The following ACOT4 variants were observed in gnomAD, a reference collection of about 807,000 sequenced individuals.
The protein encoded by ACOT4 is acyl-CoA thioesterase 4, also known as peroxisomal succinyl-coenzyme A thioesterase.
A neutral mutation model predicts 17.1 loss-of-function variants in ACOT4; 18 were observed. That is an observed-to-expected ratio of 1.05 (90% CI 0.73 to 1.56). ACOT4 has a LOEUF of 1.56. Ranked by LOEUF, ACOT4 falls within the 40% of genes most tolerant of loss-of-function variation. The pLI, the probability that ACOT4 is intolerant of heterozygous loss-of-function variation, is 0.00. For missense variants in ACOT4, 574 were observed against 557.2 expected, an observed-to-expected ratio of 1.03 and a Z score of -0.30; for synonymous variants, 234 against 236.6, an observed-to-expected ratio of 0.99 and a Z score of 0.10.
rs1340104309 is a variant in ACOT4 at position 73,593,697 on chromosome 14, T to C, written c.458-5T>C. ...GGCTTACATTTATAATATTTTGTTC[T>C]CTAGGACCTGGACCCTTCCCAGGGA... On this transcript the variant is annotated splice_polypyrimidine_tract_variant and splice_region_variant and intron_variant, in intron 1 of 2. Transcript: ENST00000326303. 1 of 1,599,332 alleles carries C rather than the reference T, an allele frequency of 6.3e-7. No homozygotes were observed. The highest frequency in any genetic ancestry group is 8.5e-7 in the Non-Finnish European group (1 of 1,172,218).
At chr14:73,595,013 T>C in intron 2 of ACOT4, 36 bp from the exon 3 acceptor site, 1 of 1,607,226 alleles carries the variant, frequency 6.2e-7, no homozygotes, top group East Asian at 2.2e-5. Flanking sequence ...TCTGGATAAG[T>C]TATTGACTCA....
At position 73,595,153 on chromosome 14, in the gene ACOT4, T is replaced by C. The variant is rs1386420474; in HGVS notation, c.765T>C (p.Asn255=). The C allele has an allele frequency of 2.5e-6, 4 of 1,614,254 alleles. No individual in the cohort carries two copies. Among genetic ancestry groups the C allele is most frequent in the Non-Finnish European group, 3.4e-6 (4 of 1,180,042 alleles). Residue 255 remains asparagine, a synonymous_variant, in exon 3 of 3, where the codon AAT becomes AAC. Transcript: ENST00000326303. ...ATGTCTCAGCCACAGTTTCCATCAA[T>C]GGATCTGGGATCAGTGGGAACACAG... ...LKNVSATVSI[N]GSGISGNTAI... is the part of the protein sequence containing the mutation.
chr14:73,594,731 C>A (rs537925590), intron 2 of ACOT4, among the ~76,000 whole-genome samples: 1 of 152,062 alleles, frequency 6.6e-6, no homozygotes, highest in South Asian at 2.1e-4. Context: ...GACGGAGTCT[C>A]GCTTTGTCAC....
chr14:73,593,965 C>A lies in ACOT4; in HGVS notation c.660+61C>A, dbSNP rs1299811353. 3.5e-6 allele frequency: 5 copies of A among 1,431,788 alleles called. No individual in the cohort carries two copies. The Middle Eastern group carries it at 7.2e-4, about 207-fold the overall frequency. The allele number at this position is 1,431,788 out of a possible 1,614,324, so 88.7% of individuals were successfully genotyped here. On this transcript the variant is annotated intron_variant, in intron 2 of 2. Coordinates refer to ENST00000326303, the MANE Select transcript of ACOT4 (RefSeq NM_152331.4). ...AGAAATATTTCCATAGAGAGTGTAA[C>A]CTTTACCACGTGCAGAAATGCTGCT...
rs558876399 is a variant in ACOT4 at position 73,592,568 on chromosome 14, T to C, written c.457+152T>C. 5.9e-6 allele frequency: 6 copies of C among 1,025,288 alleles called. No individual in the cohort carries two copies. In the African/African-American group the frequency reaches 1.0e-4, roughly 17 times the overall value. The allele number at this position is 1,025,288 out of a possible 1,614,324, so 63.5% of individuals were successfully genotyped here. On this transcript the variant is annotated intron_variant, in intron 1 of 2. Coordinates refer to ENST00000326303, the MANE Select transcript of ACOT4 (RefSeq NM_152331.4). ...GGCCACTCTACCAAAATAGAGGGTT[T>C]GGTACCGGGCGTGGTGACTAACGCC...
In ACOT4 at chr14:73,595,185, A is replaced by T; in HGVS notation, c.797A>T (p.Asn266Ile). 1 of 1,614,250 alleles carries T rather than the reference A, an allele frequency of 6.2e-7. No homozygotes were observed. The highest frequency in any genetic ancestry group is 8.5e-7 in the Non-Finnish European group (1 of 1,180,044). ...GGGATCAGTGGGAACACAGCCATCA[A>T]CTATAAGCACAGTAGCATTCCACCA... ...GSGISGNTAINYKHSSIPPLG... is the reference protein window; with the variant it reads ...GSGISGNTAIIYKHSSIPPLG... The change falls in exon 3 of 3, where the codon AAC becomes ATC. Residue 266 changes from asparagine (N) to isoleucine (I), a missense_variant. Physicochemically the swap from Asn to Ile is moderately radical, Grantham distance 149. Coordinates refer to ENST00000326303, the MANE Select transcript of ACOT4 (RefSeq NM_152331.4).
Position 73,592,335 on chromosome 14 carries a change from G to C in ACOT4, c.376G>C (p.Glu126Gln). 2 of 1,604,152 alleles carry C rather than the reference G, an allele frequency of 1.2e-6. No individual in the cohort carries two copies. Among genetic ancestry groups the C allele is most frequent in the Non-Finnish European group, 1.7e-6 (2 of 1,175,986 alleles). Residue 126 changes from glutamate (E) to glutamine (Q), a missense_variant, in exon 1 of 3, where the codon GAG (glutamate) becomes CAG (glutamine). Physicochemically the swap from Glu to Gln is conservative, Grantham distance 29 (BLOSUM62 2). Coordinates refer to ENST00000326303, the MANE Select transcript of ACOT4 (RefSeq NM_152331.4). ...PGRLLCQAQH[E>Q]RHFLPPGVRR... ...ACGGCTGCTGTGCCAGGCGCAGCAC[G>C]AGCGCCACTTCCTCCCGCCAGGGGT...
In ACOT4 at chr14:73,595,240, A is replaced by G. The variant is rs760716385; in HGVS notation, c.852A>G (p.Val284=). The G allele has an allele frequency of 6.2e-7, 1 of 1,614,226 alleles. No individual in the cohort carries two copies. The highest frequency in any genetic ancestry group is 1.1e-5 in the South Asian group (1 of 91,084). Residue 284 remains valine, a synonymous_variant, in exon 3 of 3, where the codon GTA becomes GTG. Transcript: ENST00000326303. ...PLGYDLRRIK[V]AFSGLVDIVD... is the part of the protein sequence containing the mutation. ...GCTATGACCTGAGGAGAATCAAGGT[A>G]GCTTTCTCAGGCCTCGTGGACATTG...
In ACOT4 at chr14:73,595,465, G is replaced by A. The variant is rs764373621; in HGVS notation, c.1077G>A (p.Gly359=). ...AGATCATCTGTTACCCTGGGACTGG[G>A]CATTACATCGAGCCTCCTTACTTCC... ...KPQIICYPGT[G]HYIEPPYFPL... is the part of the protein sequence containing the mutation. The change falls in exon 3 of 3, where the codon GGG becomes GGA. Residue 359 remains glycine (G), a synonymous_variant. Coordinates refer to ENST00000326303, the MANE Select transcript of ACOT4 (RefSeq NM_152331.4). The A allele has an allele frequency of 6.2e-7, 1 of 1,614,176 alleles. No homozygotes were observed. The highest frequency in any genetic ancestry group is 2.2e-5 in the East Asian group (1 of 44,880).
In ACOT4 at chr14:73,592,196, GC is replaced by G. The variant is rs1566865386; in HGVS notation, c.238del (p.Leu80CysfsTer15). On this transcript the variant is annotated frameshift_variant, in exon 1 of 3. Transcript: ENST00000326303. LOFTEE classifies it high-confidence loss of function. Reference sequence around the variant, plus strand: ...GCTTCGCGGGACTCGAGCCCATGGGGCTGCTCTGGGCCCTGGAACCCGAGAA... The same window carrying G: ...GCTTCGCGGGACTCGAGCCCATGGGGTGCTCTGGGCCCTGGAACCCGAGAA... Reference protein sequence around the residue: ...GSFAGLEPMGLLWALEPEKPF... With the variant: ...GSFAGLEPMGXLWALEPEKPF... 1 of 1,611,168 alleles carries G rather than the reference GC, an allele frequency of 6.2e-7. No individual in the cohort carries two copies.
At position 73,593,819 on chromosome 14, in the gene ACOT4, A is replaced by G; in HGVS notation, c.575A>G (p.Asn192Ser). Residue 192 changes from asparagine to serine, a missense_variant, in exon 2 of 3, where the codon AAC (asparagine) becomes AGC (serine). Physicochemically the swap from Asn to Ser is conservative, Grantham distance 46. Coordinates refer to ENST00000326303, the MANE Select transcript of ACOT4 (RefSeq NM_152331.4). Reference sequence around the variant, plus strand: ...GCCACGTTGGCTCTAGCTTATTATAACTTTGAAGATCTCCCCAATAACATG... The same window carrying G: ...GCCACGTTGGCTCTAGCTTATTATAGCTTTGAAGATCTCCCCAATAACATG... ...GFATLALAYY[N>S]FEDLPNNMDN... 6.2e-7 allele frequency: 1 copy of G among 1,614,044 alleles called. No individual in the cohort carries two copies. Among genetic ancestry groups the G allele is most frequent in the Non-Finnish European group, 8.5e-7 (1 of 1,179,956 alleles).
chr14:73,592,384 G>T lies in ACOT4; in HGVS notation c.425G>T (p.Gly142Val). The T allele has an allele frequency of 1.9e-6, 3 of 1,554,100 alleles. No individual in the cohort carries two copies. The highest frequency in any genetic ancestry group is 2.6e-6 in the Non-Finnish European group (3 of 1,154,670). Reference protein sequence around the residue: ...PGVRRQSVRAGRVRATLFLPP... With the variant: ...PGVRRQSVRAVRVRATLFLPP... ...GTGCGGCGCCAGTCGGTGCGAGCGG[G>T]CCGGGTGCGCGCCACGCTCTTCCTG... The change falls in exon 1 of 3, where the codon GGC becomes GTC. Residue 142 changes from glycine (G) to valine (V), a missense_variant. Coordinates refer to ENST00000326303, the MANE Select transcript of ACOT4 (RefSeq NM_152331.4).
chr14:73,595,046 C>G lies in ACOT4; in HGVS notation c.661-3C>G, dbSNP rs769553556. Reference sequence around the variant, plus strand: ...TCAACTCTCCTCTCTTCTTTTCTTCCAGGTAAAAGGCCCAGGCATTGGGCT... The same window carrying G: ...TCAACTCTCCTCTCTTCTTTTCTTCGAGGTAAAAGGCCCAGGCATTGGGCT... On this transcript the variant is annotated splice_region_variant and splice_polypyrimidine_tract_variant and intron_variant, in intron 2 of 2. Coordinates refer to ENST00000326303, the MANE Select transcript of ACOT4 (RefSeq NM_152331.4). 7 of 1,612,284 alleles carry G rather than the reference C, an allele frequency of 4.3e-6. No homozygotes were observed. Among genetic ancestry groups the G allele is most frequent in the Non-Finnish European group, 5.9e-6 (7 of 1,179,514 alleles).
intron 2 of ACOT4, 25 bp downstream of exon 2, chr14:73,593,929 T>TCAG: frequency 2.5e-6 from 4 of 1,581,440 alleles, no homozygotes; most frequent in Non-Finnish European, 3.5e-6. Context: ...CTTTATTTAA[T>TCAG]CAGTCTCTCT....
In ACOT4 at chr14:73,592,029, C is replaced by T. The variant is rs1890156275; in HGVS notation, c.70C>T (p.Arg24Cys). 4.1e-6 allele frequency: 6 copies of T among 1,447,528 alleles called. No individual in the cohort carries two copies. The highest frequency in any genetic ancestry group is 1.4e-5 in the South Asian group (1 of 70,718). The allele number at this position is 1,447,528 out of a possible 1,614,324, so 89.7% of individuals were successfully genotyped here. A position where few individuals can be genotyped will look rare whatever the true frequency, so the allele number is the denominator to read the frequency against. ...GAACGAGCCGGTGCGCATTGCCGTG[C>T]GCGGCCTGGCCCCGGAGCAGCGGGT... ...CWNEPVRIAV[R>C]GLAPEQRVTL... Residue 24 changes from arginine to cysteine, a missense_variant, in exon 1 of 3, where the codon CGC becomes TGC. Physicochemically the swap from Arg to Cys is radical, Grantham distance 180. Coordinates refer to ENST00000326303, the MANE Select transcript of ACOT4 (RefSeq NM_152331.4).
At chr14:73,593,955 G>C (rs978330218) in intron 2 of ACOT4, 51 bp downstream of exon 2, 1 of 1,518,090 alleles carries the variant, frequency 6.6e-7, no homozygotes, top group South Asian at 1.2e-5. Context: ...TATTTCCATA[G>C]AGAGTGTAAC....
chr14:73,595,464 G>C lies in ACOT4; in HGVS notation c.1076G>C (p.Gly359Ala), dbSNP rs1313597182. The C allele has an allele frequency of 6.2e-7, 1 of 1,614,134 alleles. No individual in the cohort carries two copies. Among genetic ancestry groups the C allele is most frequent in the Non-Finnish European group, 8.5e-7 (1 of 1,179,996 alleles). The change falls in exon 3 of 3, where the codon GGG becomes GCG. Residue 359 changes from glycine (G) to alanine (A), a missense_variant. Coordinates refer to ENST00000326303, the MANE Select transcript of ACOT4 (RefSeq NM_152331.4). ...KPQIICYPGT[G>A]HYIEPPYFPL... The stretch of plus-strand genomic sequence containing the variant: ...CAGATCATCTGTTACCCTGGGACTG[G>C]GCATTACATCGAGCCTCCTTACTTC...
chr14:73,595,153 T>G lies in ACOT4; in HGVS notation c.765T>G (p.Asn255Lys). ...ATGTCTCAGCCACAGTTTCCATCAA[T>G]GGATCTGGGATCAGTGGGAACACAG... ...LKNVSATVSI[N>K]GSGISGNTAI... The change falls in exon 3 of 3, where the codon AAT becomes AAG. Residue 255 changes from asparagine to lysine, a missense_variant. Coordinates refer to ENST00000326303, the MANE Select transcript of ACOT4 (RefSeq NM_152331.4). 6.2e-7 allele frequency: 1 copy of G among 1,614,254 alleles called. No homozygotes were observed. Among genetic ancestry groups the G allele is most frequent in the East Asian group, 2.2e-5 (1 of 44,894 alleles).
chr14:73,595,271 A>C lies in ACOT4; in HGVS notation c.883A>C (p.Ile295Leu). 6.2e-7 allele frequency: 1 copy of C among 1,614,210 alleles called. No homozygotes were observed. Among genetic ancestry groups the C allele is most frequent in the African/African-American group, 1.3e-5 (1 of 75,064 alleles). ...AFSGLVDIVD[I>L]RNALVGGYKN... Reference sequence around the variant, plus strand: ...CTCAGGCCTCGTGGACATTGTGGATATAAGGAATGCTCTCGTAGGAGGGTA... The same window carrying C: ...CTCAGGCCTCGTGGACATTGTGGATCTAAGGAATGCTCTCGTAGGAGGGTA... Residue 295 changes from isoleucine to leucine, a missense_variant, in exon 3 of 3, where the codon ATA (isoleucine) becomes CTA (leucine). Ile to Leu is a conservative substitution (Grantham distance 5). Transcript: ENST00000326303.
Sources: allele counts gnomAD v4.1 joint callset (sites outside exome capture counted in the v4.1 genomes callset), GRCh38; gene constraint gnomAD v4.1.1; transcripts MANE v1.5; gene names NCBI Gene and HGNC (gene_info 2026-07-23, HGNC 2026-07-21).